Variants in CSGALNACT1 observed in about 807,000 individuals in gnomAD.
CSGALNACT1 encodes the protein chondroitin sulfate N-acetylgalactosaminyltransferase 1, also known as beta4GalNAcT-1.
A neutral mutation model predicts 51.0 loss-of-function variants in CSGALNACT1; 52 were observed. That is an observed-to-expected ratio of 1.02 (90% CI 0.82 to 1.29). The LOEUF is 1.29. Ranked by LOEUF, CSGALNACT1 falls within the 50% of genes most tolerant of loss-of-function variation. CSGALNACT1 has a pLI of 0.00. For synonymous variants in CSGALNACT1, 341 were observed against 254.4 expected (o/e 1.34, Z -3.24); for missense variants, 935 against 679.2 (o/e 1.38, Z -4.19).
chr8:19,716,445 T>C (rs2062811426), intron 1 of CSGALNACT1, among the ~76,000 whole-genome samples: 1 of 151,920 alleles, frequency 6.6e-6, no homozygotes, highest in African/African-American at 2.4e-5. Flanking sequence ...CCATTTCTTC[T>C]TTGATAATAC....
intron 4 of CSGALNACT1, among the ~76,000 whole-genome samples, chr8:19,482,740 C>G (rs1168309138): frequency 6.6e-6 from 1 of 152,102 alleles, no homozygotes; most frequent in East Asian, 1.9e-4. Context: ...TACGGAAAAT[C>G]TCATCCATCT....
chr8:19,500,613 C>T (rs1238201319), intron 4 of CSGALNACT1, among the ~76,000 whole-genome samples: 1 of 152,212 alleles, frequency 6.6e-6, no homozygotes, highest in South Asian at 2.1e-4. Context: ...TCCTTACAGG[C>T]TACTTAGTGA....
intron 3 of CSGALNACT1, among the ~76,000 whole-genome samples, chr8:19,555,462 C>G (rs568911670): frequency 6.6e-6 from 1 of 152,110 alleles, no homozygotes; most frequent in Non-Finnish European, 1.5e-5. Flanking sequence ...CTATAACTCC[C>G]AAACTTTTCG....
chr8:19,476,911 T>A (rs2069829293), intron 4 of CSGALNACT1, among the ~76,000 whole-genome samples: 1 of 152,164 alleles, frequency 6.6e-6, no homozygotes. Flanking sequence ...CCATGAGGCC[T>A]TCCCATGAGG....
chr8:19,454,811 C>T (rs983283802), intron 5 of CSGALNACT1, among the ~76,000 whole-genome samples: 1 of 151,958 alleles, frequency 6.6e-6, no homozygotes, highest in African/African-American at 2.4e-5. Context: ...ATATTTCCAA[C>T]CACTTTTTGT....
chr8:19,536,426 TA>T (rs977508783), intron 3 of CSGALNACT1, among the ~76,000 whole-genome samples: 134 of 152,064 alleles, frequency 8.8e-4, no homozygotes, highest in African/African-American at 3.0e-3. Context: ...TTATAATCAC[TA>T]AAAAAAATTT....
intron 1 of CSGALNACT1, among the ~76,000 whole-genome samples, chr8:19,670,631 G>T (rs2059716152): frequency 9.9e-6 from 1 of 100,866 alleles, no homozygotes. Context: ...GACCAGAACT[G>T]ATTATGCACT....
chr8:19,711,048 T>A (rs938461336), intron 1 of CSGALNACT1, among the ~76,000 whole-genome samples: 2 of 152,216 alleles, frequency 1.3e-5, no homozygotes, highest in Non-Finnish European at 2.9e-5. Flanking sequence ...TAGAACTGTT[T>A]GGTCAACCTT....
At chr8:19,511,714 C>T (rs2078501274) in intron 3 of CSGALNACT1, among the ~76,000 whole-genome samples, 1 of 152,108 alleles carries the variant, frequency 6.6e-6, no homozygotes, top group Non-Finnish European at 1.5e-5. Flanking sequence ...CTGTATTAGT[C>T]TGTTCTCACA....
chr8:19,705,498 TGAGGCAG>T (rs2062107062), intron 1 of CSGALNACT1, among the ~76,000 whole-genome samples: 2 of 152,166 alleles, frequency 1.3e-5, no homozygotes, highest in Non-Finnish European at 2.9e-5. Context: ...TTTGGGAGGC[TGAGGCAG>T]GAGGCAGGAG....
chr8:19,600,818 A>T (rs1278903175), intron 2 of CSGALNACT1, among the ~76,000 whole-genome samples: 2 of 150,154 alleles, frequency 1.3e-5, no homozygotes, highest in East Asian at 3.9e-4. Flanking sequence ...ATAGTGTGAC[A>T]AAAGTTTTTG....
chr8:19,500,276 C>G (rs901568724), intron 4 of CSGALNACT1, among the ~76,000 whole-genome samples: 1 of 152,112 alleles, frequency 6.6e-6, no homozygotes, highest in African/African-American at 2.4e-5. Context: ...CAACTCACAC[C>G]CTGATGGCCT....
chr8:19,582,054 AC>A (rs2045698198), intron 3 of CSGALNACT1, among the ~76,000 whole-genome samples: 1 of 152,216 alleles, frequency 6.6e-6, no homozygotes, highest in Non-Finnish European at 1.5e-5. Flanking sequence ...GAGTCCTAGA[AC>A]TGCTGGGACA....
At chr8:19,756,492 G>A (rs2065384364) in intron 1 of CSGALNACT1, among the ~76,000 whole-genome samples, 1 of 152,276 alleles carries the variant, frequency 6.6e-6, no homozygotes, top group South Asian at 2.1e-4. Flanking sequence ...TCTCTGACAG[G>A]AATGCAGGTG....
intron 6 of CSGALNACT1, among the ~76,000 whole-genome samples, chr8:19,424,379 T>C (rs546646384): frequency 1.3e-5 from 2 of 152,210 alleles, no homozygotes; most frequent in African/African-American, 4.8e-5. Flanking sequence ...AACCCAAGGC[T>C]TTTTTCCAAT....
At chr8:19,666,749 C>CAAGA (rs1244709629) in intron 1 of CSGALNACT1, among the ~76,000 whole-genome samples, 40 of 107,874 alleles carry the variant, frequency 3.7e-4, no homozygotes, top group African/African-American at 1.3e-3. Flanking sequence ...ACACAAGAAA[C>CAAGA]AAGAAAGAAA....
chr8:19,453,534 T>A (rs186680045), intron 5 of CSGALNACT1, among the ~76,000 whole-genome samples: 1 of 152,028 alleles, frequency 6.6e-6, no homozygotes, highest in African/African-American at 2.4e-5. Flanking sequence ...CAAACAGAAC[T>A]CAAAAATAAA....
intron 5 of CSGALNACT1, among the ~76,000 whole-genome samples, chr8:19,449,398 A>G (rs1352613629): frequency 6.6e-6 from 1 of 152,178 alleles, no homozygotes; most frequent in East Asian, 1.9e-4. Flanking sequence ...AGACTATGCA[A>G]AAGACATCAT....
chr8:19,661,975 CT>C (rs767648705), intron 1 of CSGALNACT1, among the ~76,000 whole-genome samples: 1 of 151,430 alleles, frequency 6.6e-6, no homozygotes, highest in Non-Finnish European at 1.5e-5. Flanking sequence ...ATTCCCCTTC[CT>C]GGTGTTCACT....
Sources: allele counts gnomAD v4.1 joint callset (sites outside exome capture counted in the v4.1 genomes callset), GRCh38; gene constraint gnomAD v4.1.1; transcripts MANE v1.5; gene names NCBI Gene and HGNC (gene_info 2026-07-23, HGNC 2026-07-21).